Variants in NR5A2 observed in about 807,000 individuals in gnomAD.
NR5A2 encodes the protein CYP7A promoter-binding factor.
NR5A2 carries 26 observed loss-of-function variants against 62.7 expected under a neutral mutation model. The ratio of observed to expected loss-of-function variants is 0.41; its 90% CI spans 0.30 to 0.58. The LOEUF (loss-of-function observed/expected upper bound fraction) is 0.58, where lower values mean the gene tolerates loss of function less well. Among genes scored for constraint, NR5A2 ranks in the 20% least tolerant of loss-of-function variants. The pLI is 0.22. For synonymous variants in NR5A2, 246 were observed against 241.7 expected (o/e 1.02, Z -0.16); for missense variants, 541 against 669.1 (o/e 0.81, Z 2.11).
chr1:200,079,612 C>T (rs1664197985), intron 5 of NR5A2, among the ~76,000 whole-genome samples: 1 of 152,214 alleles, frequency 6.6e-6, no homozygotes, highest in Non-Finnish European at 1.5e-5. Flanking sequence ...CTGCATTTGT[C>T]TGCTGATAGA....
intron 5 of NR5A2, among the ~76,000 whole-genome samples, chr1:200,080,082 G>C (rs919948702): frequency 6.6e-6 from 1 of 152,126 alleles, no homozygotes; most frequent in African/African-American, 2.4e-5. Context: ...TTTCCAAAAA[G>C]TTTGAGGTGA....
chr1:200,051,400 T>A (rs1662624804), intron 5 of NR5A2, among the ~76,000 whole-genome samples: 1 of 152,222 alleles, frequency 6.6e-6, no homozygotes, highest in Non-Finnish European at 1.5e-5. Flanking sequence ...TACAGTGACT[T>A]CTTTATATAG....
intron 5 of NR5A2, among the ~76,000 whole-genome samples, chr1:200,064,148 C>CAA (rs577974954): frequency 3.5e-4 from 35 of 101,106 alleles, no homozygotes; most frequent in Admixed American, 8.6e-4. Context: ...GACTCCATCT[C>CAA]AAAAAAAAAA....
chr1:200,031,932 C>T (rs1158900317), intron 1 of NR5A2, among the ~76,000 whole-genome samples: 1 of 152,170 alleles, frequency 6.6e-6, no homozygotes, highest in Non-Finnish European at 1.5e-5. Context: ...GAAGGGAGAA[C>T]AGAGGCTTGT....
At chr1:200,164,707 C>T (rs1403351219) in intron 7 of NR5A2, among the ~76,000 whole-genome samples, 1 of 150,950 alleles carries the variant, frequency 6.6e-6, no homozygotes, top group African/African-American at 2.4e-5. Flanking sequence ...GCCACCACAC[C>T]CGGCTAATTT....
chr1:200,161,538 C>T (rs978419202), intron 7 of NR5A2, among the ~76,000 whole-genome samples: 4 of 152,142 alleles, frequency 2.6e-5, no homozygotes, highest in African/African-American at 9.7e-5. Flanking sequence ...CAGCTCACAG[C>T]CCCAAAATAC....
chr1:200,108,476 A>G (rs1665795221), intron 5 of NR5A2, among the ~76,000 whole-genome samples: 1 of 152,128 alleles, frequency 6.6e-6, no homozygotes, highest in Non-Finnish European at 1.5e-5. Context: ...AATGGGAATA[A>G]TAAATTTTCT....
chr1:200,103,917 T>C (rs1665516633), intron 5 of NR5A2, among the ~76,000 whole-genome samples: 2 of 152,120 alleles, frequency 1.3e-5, no homozygotes, highest in Non-Finnish European at 2.9e-5. Context: ...GGGAGAAGTA[T>C]GGAGATGGTG....
chr1:200,148,237 T>G, intron 7 of NR5A2: 1 of 224,798 alleles, frequency 4.4e-6, no homozygotes, highest in Non-Finnish European at 9.3e-6. Context: ...AGCGGCAGCA[T>G]CCAAAGGAAG....
chr1:200,150,654 G>A (rs1011898499), intron 7 of NR5A2, among the ~76,000 whole-genome samples: 1 of 152,174 alleles, frequency 6.6e-6, no homozygotes, highest in Non-Finnish European at 1.5e-5. Context: ...GATGAGTAGA[G>A]GGTTGGGAGA....
At chr1:200,166,022 C>CA (rs1425670234) in intron 7 of NR5A2, among the ~76,000 whole-genome samples, 1 of 152,212 alleles carries the variant, frequency 6.6e-6, no homozygotes, top group Non-Finnish European at 1.5e-5. Context: ...ATTCATTTGA[C>CA]ACAGGTGCCT....
intron 5 of NR5A2, among the ~76,000 whole-genome samples, chr1:200,078,197 T>C (rs989016245): frequency 1.3e-5 from 2 of 152,158 alleles, no homozygotes; most frequent in African/African-American, 2.4e-5. Flanking sequence ...CCAGCACACT[T>C]GGAGAAGGCA....
At chr1:200,151,113 A>G (rs1653091536) in intron 7 of NR5A2, among the ~76,000 whole-genome samples, 1 of 152,140 alleles carries the variant, frequency 6.6e-6, no homozygotes, top group Non-Finnish European at 1.5e-5. Context: ...GGTCTCCTTG[A>G]CTGCAAACCA....
At chr1:200,130,504 A>G (rs1666928084) in intron 7 of NR5A2, among the ~76,000 whole-genome samples, 1 of 152,216 alleles carries the variant, frequency 6.6e-6, no homozygotes, top group Non-Finnish European at 1.5e-5. Context: ...CTTATCCCTT[A>G]GTTGACTACC....
intron 6 of NR5A2, among the ~76,000 whole-genome samples, chr1:200,116,348 GA>G (rs1260022994): frequency 5.3e-5 from 8 of 152,072 alleles, no homozygotes; most frequent in African/African-American, 1.7e-4. Context: ...TCATAGCAGA[GA>G]AAAAAGAAAA....
chr1:200,096,188 A>G (rs1443721888), intron 5 of NR5A2, among the ~76,000 whole-genome samples: 1 of 151,868 alleles, frequency 6.6e-6, no homozygotes, highest in African/African-American at 2.4e-5. Context: ...CTGGGGTTCA[A>G]GTGATTCTCC....
Position 200,174,035 on chromosome 1 carries a change from A to G in NR5A2, c.1451A>G (p.Tyr484Cys). The G allele has an allele frequency of 6.2e-7, 1 of 1,612,116 alleles. No individual in the cohort carries two copies. Among genetic ancestry groups the G allele is most frequent in the Non-Finnish European group, 8.5e-7 (1 of 1,179,458 alleles). Residue 484 changes from tyrosine (Y) to cysteine (C), a missense_variant, in exon 8 of 8, where the codon TAC becomes TGC. Coordinates refer to ENST00000367362, the MANE Select transcript of NR5A2 (RefSeq NM_205860.3). ...QEQVNAALLD[Y>C]TMCNYPQQTE... ...CAAGTCAATGCCGCCCTGCTGGACT[A>G]CACAATGTGTAACTACCCGCAGCAG... is the stretch of plus-strand genomic sequence containing the variant.
intron 5 of NR5A2, among the ~76,000 whole-genome samples, chr1:200,104,956 C>T (rs1179810468): frequency 1.3e-5 from 2 of 152,112 alleles, no homozygotes; most frequent in Non-Finnish European, 2.9e-5. Flanking sequence ...AACCACCATG[C>T]CTGGCCTTTT....
chr1:200,054,012 G>A (rs560800541), intron 5 of NR5A2: 1 of 152,328 alleles, frequency 6.6e-6, no homozygotes, highest in South Asian at 2.1e-4. Flanking sequence ...TGTTCAGTAT[G>A]GGTTTCTTGT....
Sources: allele counts gnomAD v4.1 joint callset (sites outside exome capture counted in the v4.1 genomes callset), GRCh38; gene constraint gnomAD v4.1.1; transcripts MANE v1.5; gene names NCBI Gene and HGNC (gene_info 2026-07-23, HGNC 2026-07-21).